The following WDR7 variants were observed in gnomAD, a reference collection of about 807,000 sequenced individuals.
The protein encoded by WDR7 is WD repeat domain 7.
Under a neutral mutation model 169.4 loss-of-function variants are expected in WDR7, and 46 were observed. The ratio of observed to expected loss-of-function variants is 0.27; its 90% CI spans 0.21 to 0.35. The LOEUF is 0.35. WDR7 is among the 10% of genes least tolerant of loss of function. The pLI, the probability that WDR7 is intolerant of heterozygous loss-of-function variation, is 1.00. For synonymous variants in WDR7, 612 were observed against 666.8 expected, an observed-to-expected ratio of 0.92 and a Z score of 1.27; for missense variants, 1,534 against 1,859.3, an observed-to-expected ratio of 0.83 and a Z score of 3.22.
At chr18:56,940,066 T>C (rs1283206356) in intron 25 of WDR7, among the ~76,000 whole-genome samples, 1 of 152,072 alleles carries the variant, frequency 6.6e-6, no homozygotes, top group Non-Finnish European at 1.5e-5. Context: ...TGCTTATAGA[T>C]TGAGGTACAT....
intron 21 of WDR7, among the ~76,000 whole-genome samples, chr18:56,923,589 A>C (rs1326265428): frequency 6.6e-6 from 1 of 152,246 alleles, no homozygotes; most frequent in Non-Finnish European, 1.5e-5. Flanking sequence ...ACATTATTTG[A>C]AACCATCTCC....
At chr18:57,006,211 G>C (rs553840078) in intron 26 of WDR7, among the ~76,000 whole-genome samples, 3 of 152,204 alleles carry the variant, frequency 2.0e-5, no homozygotes, top group African/African-American at 7.2e-5. Flanking sequence ...ATGCATGATA[G>C]TAATTATGAG....
rs200685113 is a variant in WDR7 at position 56,799,391 on chromosome 18, A to G, written c.3191-16640A>G. Among the ~76,000 whole-genome samples the G allele has an allele frequency of 6.6e-5, 10 of 151,682 alleles. No individual in the cohort carries two copies. The East Asian group carries it at 9.6e-4, about 15-fold the overall frequency. On this transcript the variant is annotated intron_variant, in intron 19 of 27. Coordinates refer to ENST00000254442, the MANE Select transcript of WDR7 (RefSeq NM_015285.3). ...TATCTTAAGTATTACTTGAGGTCAC[A>G]TATTTGTGGCTTTTATATCAAATAT...
At chr18:56,874,412 G>C (rs1407736918) in intron 20 of WDR7, among the ~76,000 whole-genome samples, 2 of 151,698 alleles carry the variant, frequency 1.3e-5, no homozygotes, top group Non-Finnish European at 2.9e-5. Context: ...TTTCCTCTCT[G>C]TCTTTAAAAA....
chr18:56,886,940 A>G (rs117149537), intron 21 of WDR7, among the ~76,000 whole-genome samples: 2,120 of 152,308 alleles, frequency 0.014, 28 homozygotes, highest in East Asian at 0.035. Context: ...TTTTAAATAT[A>G]TATACACCTA....
At chr18:56,765,974 A>T (rs1183812267) in intron 16 of WDR7, among the ~76,000 whole-genome samples, 7 of 151,080 alleles carry the variant, frequency 4.6e-5, no homozygotes, top group Non-Finnish European at 1.0e-4. Context: ...TCTGCTCTTC[A>T]AGTTTTTGTA....
intron 22 of WDR7, among the ~76,000 whole-genome samples, chr18:56,933,700 G>A (rs755863753): frequency 1.3e-5 from 2 of 152,174 alleles, no homozygotes; most frequent in African/African-American, 2.4e-5. Flanking sequence ...TGTCTCCAAA[G>A]GTTAGCTGTC....
chr18:56,663,865 T>TA (rs976269673), intron 1 of WDR7, among the ~76,000 whole-genome samples: 12 of 150,888 alleles, frequency 8.0e-5, no homozygotes, highest in African/African-American at 1.5e-4. Context: ...CATATCAAAT[T>TA]AAAAAAAAAC....
At chr18:57,033,704 C>T (rs893818873), downstream of WDR7, 1 of 151,716 alleles carries the variant, frequency 6.6e-6, no homozygotes, top group Admixed American at 6.6e-5. Flanking sequence ...CACCCAAATC[C>T]CACTGCAGAA....
chr18:56,739,579 T>C (rs1026988149), intron 14 of WDR7, among the ~76,000 whole-genome samples: 10 of 152,164 alleles, frequency 6.6e-5, no homozygotes, highest in Admixed American at 1.3e-4. Flanking sequence ...ATCATTTTCT[T>C]CCTCGAAAGA....
At chr18:56,945,012 C>A (rs532106129) in intron 25 of WDR7, among the ~76,000 whole-genome samples, 1 of 152,250 alleles carries the variant, frequency 6.6e-6, no homozygotes, top group East Asian at 1.9e-4. Flanking sequence ...TTTTTTATAT[C>A]TAGCTTTTAA....
chr18:56,943,403 GACTAACCTCTTTA>G (rs1455991581), intron 25 of WDR7, among the ~76,000 whole-genome samples: 1 of 150,542 alleles, frequency 6.6e-6, no homozygotes, highest in Non-Finnish European at 1.5e-5. Flanking sequence ...TTTTATCTTA[GACTAACCTCTTTA>G]ATGTTGCCTT....
At chr18:56,877,198 TC>T (rs2046034997) in intron 20 of WDR7, among the ~76,000 whole-genome samples, 1 of 152,100 alleles carries the variant, frequency 6.6e-6, no homozygotes, top group African/African-American at 2.4e-5. Context: ...TGTAAATAAT[TC>T]CATACCAATA....
chr18:56,717,891 A>G, intron 12 of WDR7, 73 bp from the exon 13 acceptor site: 1 of 1,421,022 alleles, frequency 7.0e-7, no homozygotes, highest in Non-Finnish European at 9.4e-7. Context: ...ATTTTGCCTT[A>G]AGTTATTGAA....
intron 19 of WDR7, among the ~76,000 whole-genome samples, chr18:56,807,814 C>A (rs2044801822): frequency 6.6e-6 from 1 of 151,994 alleles, no homozygotes; most frequent in African/African-American, 2.4e-5. Flanking sequence ...ATTTTTATTT[C>A]TCTAATTACT....
chr18:56,691,243 T>C lies in WDR7; in HGVS notation c.745T>C (p.Leu249=). Residue 249 remains leucine (L), a synonymous_variant, in exon 8 of 28, where the codon TTG becomes CTG. Transcript: ENST00000254442. ...GTTCGATGCCGGAGACTATTCCTTG[T>C]TGTGTTCAGGTCCTAGTGAAAATGG... ...RVFDAGDYSL[L]CSGPSENGQT... is the part of the protein sequence containing the mutation. The C allele has an allele frequency of 6.2e-7, 1 of 1,610,612 alleles. No individual in the cohort carries two copies. Among genetic ancestry groups the C allele is most frequent in the Non-Finnish European group, 8.5e-7 (1 of 1,179,100 alleles).
intron 26 of WDR7, among the ~76,000 whole-genome samples, chr18:56,991,496 G>A (rs2047818987): frequency 6.6e-6 from 1 of 152,152 alleles, no homozygotes; most frequent in Non-Finnish European, 1.5e-5. Flanking sequence ...GAGTAATCCT[G>A]AAGGAGGCAA....
intron 20 of WDR7, among the ~76,000 whole-genome samples, chr18:56,859,955 G>A (rs762731948): frequency 2.0e-5 from 3 of 151,922 alleles, no homozygotes; most frequent in Non-Finnish European, 4.4e-5. Context: ...ATTTTTGTGG[G>A]GTATAACTAG....
At chr18:56,800,668 T>G (rs1181046632) in intron 19 of WDR7, among the ~76,000 whole-genome samples, 2 of 152,220 alleles carry the variant, frequency 1.3e-5, no homozygotes, top group East Asian at 3.8e-4. Flanking sequence ...CTGAGGAATA[T>G]AACTTTTATA....
Sources: gnomAD v4.1 joint callset for allele counts (sites outside exome capture counted in the v4.1 genomes callset) on GRCh38, gnomAD v4.1.1 for gene constraint, MANE v1.5 for transcripts, NCBI Gene and HGNC (gene_info 2026-07-23, HGNC 2026-07-21) for gene names.